Variants in PPP3CB observed in about 807,000 individuals in gnomAD.
The protein encoded by PPP3CB is protein phosphatase 3 catalytic subunit beta, also known as serine/threonine-protein phosphatase 2B catalytic subunit beta isoform.
PPP3CB carries 8 observed loss-of-function variants against 66.4 expected under a neutral mutation model. That is an observed-to-expected ratio of 0.12 (90% CI 0.07 to 0.22). The LOEUF (loss-of-function observed/expected upper bound fraction) is 0.22. Ranked by LOEUF, PPP3CB falls within the 10% of genes least tolerant of loss-of-function variation. The probability of loss-of-function intolerance (pLI) is 1.00; values close to 1 mark genes in which losing one functional copy is unlikely to be tolerated. For missense variants in PPP3CB, 319 were observed against 642.5 expected (o/e 0.50, Z 5.44); for synonymous variants, 208 against 221.2 (o/e 0.94, Z 0.53).
At chr10:73,452,981 G>C (rs1217143849) in intron 10 of PPP3CB, among the ~76,000 whole-genome samples, 1 of 152,190 alleles carries the variant, frequency 6.6e-6, no homozygotes, top group African/African-American at 2.4e-5. Context: ...TACTCGAAAA[G>C]TGATCAAATG....
At chr10:73,481,635 C>CAAAAAAAAAAAAAA (rs924347498) in intron 1 of PPP3CB, among the ~76,000 whole-genome samples, 1 of 137,196 alleles carries the variant, frequency 7.3e-6, no homozygotes, top group African/African-American at 2.6e-5. Context: ...TAAAAAAAAA[C>CAAAAAAAAAAAAAA]AAAAAAAAAA....
At chr10:73,475,258 T>C (rs182099012) in intron 3 of PPP3CB, among the ~76,000 whole-genome samples, 8 of 152,356 alleles carry the variant, frequency 5.3e-5, no homozygotes, top group Admixed American at 2.6e-4. Context: ...TAAATATTTG[T>C]TGAATGAATG....
chr10:73,475,251 A>T (rs559112290), intron 3 of PPP3CB, among the ~76,000 whole-genome samples: 1 of 152,348 alleles, frequency 6.6e-6, no homozygotes, highest in African/African-American at 2.4e-5. Flanking sequence ...AGAGCAATAA[A>T]TATTTGTTGA....
intron 1 of PPP3CB, among the ~76,000 whole-genome samples, chr10:73,492,238 A>G (rs999227534): frequency 6.6e-6 from 1 of 152,210 alleles, no homozygotes; most frequent in African/African-American, 2.4e-5. Context: ...AAAATGACTC[A>G]CATTGTAGGT....
At chr10:73,486,426 C>T (rs193233278) in intron 1 of PPP3CB, among the ~76,000 whole-genome samples, 4 of 151,722 alleles carry the variant, frequency 2.6e-5, no homozygotes, top group African/African-American at 7.3e-5. Context: ...CTGCCTCAGC[C>T]TCCCAAGTAG....
chr10:73,486,389 T>A (rs1476343297), intron 1 of PPP3CB, among the ~76,000 whole-genome samples: 1 of 148,184 alleles, frequency 6.7e-6, no homozygotes, highest in Non-Finnish European at 1.5e-5. Context: ...CACCGCAACG[T>A]CTGCCTCCCA....
intron 10 of PPP3CB, among the ~76,000 whole-genome samples, chr10:73,452,782 TAATA>T (rs1295865937): frequency 6.6e-6 from 1 of 152,030 alleles, no homozygotes; most frequent in Non-Finnish European, 1.5e-5. Flanking sequence ...AAATAACTGA[TAATA>T]AATATACTAT....
chr10:73,448,437 A>G (rs1302261612), intron 10 of PPP3CB, among the ~76,000 whole-genome samples: 1 of 152,232 alleles, frequency 6.6e-6, no homozygotes, highest in Non-Finnish European at 1.5e-5. Context: ...ATTTTAAAAC[A>G]GGAATGAAAA....
In PPP3CB at chr10:73,495,839, CGGGGGCGGGGGT is replaced by C. The variant is rs1448212279; in HGVS notation, c.39_50del (p.Pro18_Pro21del). 2 of 521,742 alleles carry C rather than the reference CGGGGGCGGGGGT, an allele frequency of 3.8e-6. No individual in the cohort carries two copies. Among genetic ancestry groups the C allele is most frequent in the Non-Finnish European group, 6.1e-6 (2 of 328,352 alleles). The allele number at this position is 521,742 out of a possible 1,614,324, so 32.3% of individuals were successfully genotyped here. On this transcript the variant is annotated inframe_deletion, in exon 1 of 14. Coordinates refer to ENST00000360663, the MANE Select transcript of PPP3CB (RefSeq NM_021132.4). ...CGCGGTCAGCCCCGGGAGGGGGCGGCGGGGGCGGGGGTGGGGGCGGTGCAGCCCGGGCCGGCT... is the reference window on the plus strand; with the variant it reads ...CGCGGTCAGCCCCGGGAGGGGGCGGCGGGGGCGGTGCAGCCCGGGCCGGCT...
chr10:73,464,090 C>A (rs572797768), intron 9 of PPP3CB, among the ~76,000 whole-genome samples: 1 of 152,194 alleles, frequency 6.6e-6, no homozygotes, highest in Admixed American at 6.5e-5. Flanking sequence ...CCACCACACC[C>A]AGCTAATTTT....
chr10:73,443,886 A>C (rs1218559655), intron 12 of PPP3CB: 1 of 152,282 alleles, frequency 6.6e-6, no homozygotes, highest in East Asian at 1.9e-4. Context: ...TCAACCCCTT[A>C]TAACAATGAC....
In PPP3CB at chr10:73,446,536, T is replaced by G; in HGVS notation, c.1224A>C (p.Lys408Asn). Residue 408 changes from lysine (K) to asparagine (N), a missense_variant, in exon 11 of 14, where the codon AAA becomes AAC. Lys to Asn is a moderately conservative substitution (Grantham distance 94). Transcript: ENST00000360663. ...TTGCCATCTTGCCAATTGCTCGAAT[T>G]TTGTTTCTTATGATTTCTTTCCGGG... Reference protein sequence around the residue: ...AAARKEIIRNKIRAIGKMARV... With the variant: ...AAARKEIIRNNIRAIGKMARV... 6.2e-7 allele frequency: 1 copy of G among 1,613,958 alleles called. No homozygotes were observed. The highest frequency in any genetic ancestry group is 1.3e-5 in the African/African-American group (1 of 75,046).
chr10:73,456,197 C>T (rs540984388), intron 9 of PPP3CB, among the ~76,000 whole-genome samples: 1 of 152,204 alleles, frequency 6.6e-6, no homozygotes, highest in African/African-American at 2.4e-5. Context: ...AAGCACCCCA[C>T]ATGTCAAGTA....
intron 1 of PPP3CB, among the ~76,000 whole-genome samples, chr10:73,489,744 C>T (rs2133040712): frequency 6.6e-6 from 1 of 152,338 alleles, no homozygotes; most frequent in East Asian, 1.9e-4. Flanking sequence ...ACTTGTAATA[C>T]AAAAGATCTT....
At chr10:73,465,217 A>G (rs888282024) in intron 9 of PPP3CB, among the ~76,000 whole-genome samples, 1 of 152,094 alleles carries the variant, frequency 6.6e-6, no homozygotes, top group African/African-American at 2.4e-5. Flanking sequence ...TTCCCAATGT[A>G]AGTTATTTTA....
intron 9 of PPP3CB, among the ~76,000 whole-genome samples, chr10:73,456,933 A>G (rs1376112192): frequency 6.6e-6 from 1 of 152,176 alleles, no homozygotes; most frequent in Admixed American, 6.5e-5. Context: ...AGGCAAATCT[A>G]TAGAGACAGA....
chr10:73,485,949 TGTA>T (rs1276915565), intron 1 of PPP3CB, among the ~76,000 whole-genome samples: 7 of 141,824 alleles, frequency 4.9e-5, no homozygotes, highest in Middle Eastern at 3.2e-3. Context: ...TGTGTGTGTG[TGTA>T]TTTTTTTTTT....
intron 13 of PPP3CB, among the ~76,000 whole-genome samples, chr10:73,439,208 G>A (rs1001326376): frequency 3.9e-5 from 6 of 152,046 alleles, no homozygotes; most frequent in African/African-American, 7.3e-5. Flanking sequence ...TCAAACCACT[G>A]GTTATAATCT....
At chr10:73,490,857 G>A (rs1318729447) in intron 1 of PPP3CB, among the ~76,000 whole-genome samples, 4 of 151,480 alleles carry the variant, frequency 2.6e-5, no homozygotes, top group East Asian at 1.9e-4. Context: ...TATTTGAGAC[G>A]GAATATCGCT....
Sources: allele counts gnomAD v4.1 joint callset (sites outside exome capture counted in the v4.1 genomes callset), GRCh38; gene constraint gnomAD v4.1.1; transcripts MANE v1.5; gene names NCBI Gene and HGNC (gene_info 2026-07-23, HGNC 2026-07-21).